ASIC2: variants seen among roughly 807,000 people sequenced by gnomAD.
ASIC2 encodes acid-sensing ion channel 2.
ASIC2 carries 25 observed loss-of-function variants against 57.3 expected under a neutral mutation model. That is an observed-to-expected ratio of 0.44 (90% CI 0.32 to 0.61). The LOEUF (loss-of-function observed/expected upper bound fraction) is 0.61, where lower values mean the gene tolerates loss of function less well. Ranked by LOEUF, ASIC2 falls within the 20% of genes least tolerant of loss-of-function variation. The pLI is 0.06. For missense variants in ASIC2, 641 were observed against 738.1 expected (o/e 0.87, Z 1.52); for synonymous variants, 319 against 307.5 (o/e 1.04, Z -0.39).
intron 1 of ASIC2, among the ~76,000 whole-genome samples, chr17:33,314,738 C>A (rs560850001): frequency 6.6e-6 from 1 of 152,272 alleles, no homozygotes; most frequent in South Asian, 2.1e-4. Flanking sequence ...CTCTGTGGTT[C>A]TTAAGAACAA....
intron 1 of ASIC2, among the ~76,000 whole-genome samples, chr17:33,950,694 T>A (rs1904531449): frequency 6.6e-6 from 1 of 152,232 alleles, no homozygotes; most frequent in South Asian, 2.1e-4. Context: ...GACAGCCACC[T>A]GAAAGGTCAG....
Position 33,291,996 on chromosome 17 carries a change from G to GC in ASIC2, c.119dup (p.Gly41ArgfsTer25). The GC allele has an allele frequency of 8.0e-7, 1 of 1,254,362 alleles. No individual in the cohort carries two copies. Among genetic ancestry groups the GC allele is most frequent in the Non-Finnish European group, 9.9e-7 (1 of 1,007,502 alleles). The allele number at this position is 1,254,362 out of a possible 1,614,324, so 77.7% of individuals were successfully genotyped here. On this transcript the variant is annotated frameshift_variant, in exon 1 of 10. Coordinates refer to ENST00000225823, the MANE Select transcript of ASIC2 (RefSeq NM_183377.2). LOFTEE classifies it high-confidence loss of function. Reference sequence around the variant, plus strand: ...GCAGCGCCCGCTCGCCGCCTCTGCCGCCCCCGGGCTGCCCGGCAGCCGCCA... The same window carrying GC: ...GCAGCGCCCGCTCGCCGCCTCTGCCGCCCCCCGGGCTGCCCGGCAGCCGCCA...
At chr17:33,858,092 G>A (rs1914009516) in intron 1 of ASIC2, among the ~76,000 whole-genome samples, 1 of 152,180 alleles carries the variant, frequency 6.6e-6, no homozygotes, top group Non-Finnish European at 1.5e-5. Flanking sequence ...CTCACAGGCA[G>A]GTGGAGACTC....
chr17:33,922,845 A>T (rs963415820), intron 1 of ASIC2, among the ~76,000 whole-genome samples: 2 of 152,130 alleles, frequency 1.3e-5, no homozygotes, highest in Non-Finnish European at 1.5e-5. Flanking sequence ...CAAGTGTAAG[A>T]ATTAGACAGG....
At chr17:33,349,575 A>G (rs1005327830) in intron 1 of ASIC2, among the ~76,000 whole-genome samples, 1 of 152,170 alleles carries the variant, frequency 6.6e-6, no homozygotes, top group African/African-American at 2.4e-5. Flanking sequence ...AATGCCCTCC[A>G]GCTCCACCCA....
At chr17:33,686,878 C>A (rs1908211059) in intron 1 of ASIC2, among the ~76,000 whole-genome samples, 1 of 152,090 alleles carries the variant, frequency 6.6e-6, no homozygotes, top group Non-Finnish European at 1.5e-5. Flanking sequence ...GGGGACAGGA[C>A]TGGGGTGATA....
At chr17:33,548,006 C>G (rs573281615) in intron 1 of ASIC2, among the ~76,000 whole-genome samples, 1 of 152,304 alleles carries the variant, frequency 6.6e-6, no homozygotes, top group East Asian at 1.9e-4. Flanking sequence ...CAGTGTCACT[C>G]CAGCAAAGTT....
chr17:33,490,672 C>T (rs997454141), intron 1 of ASIC2, among the ~76,000 whole-genome samples: 3 of 152,156 alleles, frequency 2.0e-5, no homozygotes, highest in African/African-American at 4.8e-5. Context: ...GATTGCGAGG[C>T]CTCCCCAGCC....
chr17:33,145,893 G>C, intron 1 of ASIC2, among the ~76,000 whole-genome samples: 1 of 152,228 alleles, frequency 6.6e-6, no homozygotes, highest in East Asian at 1.9e-4. Flanking sequence ...TGTGCCCTGA[G>C]CAGCAAGAAG....
At chr17:33,194,455 C>T (rs905488443) in intron 1 of ASIC2, among the ~76,000 whole-genome samples, 6 of 152,014 alleles carry the variant, frequency 3.9e-5, no homozygotes, top group African/African-American at 1.5e-4. Flanking sequence ...CTCACTAAGC[C>T]GATATGATGA....
chr17:33,294,943 T>C (rs1905665747), upstream of ASIC2, among the ~76,000 whole-genome samples: 2 of 152,180 alleles, frequency 1.3e-5, no homozygotes, highest in Admixed American at 6.5e-5. Context: ...CCCAGCCTGG[T>C]CTCAAGGGTC....
At chr17:34,038,496 G>A in intron 1 of ASIC2, 1 of 1,611,968 alleles carries the variant, frequency 6.2e-7, no homozygotes, top group Non-Finnish European at 8.5e-7. Flanking sequence ...TGCTCTGTTA[G>A]ATCAAATGCC....
At chr17:34,051,852 C>CAG (rs766803837) in intron 1 of ASIC2, 4 of 120,852 alleles carry the variant, frequency 3.3e-5, no homozygotes, top group African/African-American at 1.8e-4. Flanking sequence ...CACACATACA[C>CAG]ACACACAGAG....
At chr17:33,736,847 G>A (rs949108368) in intron 1 of ASIC2, among the ~76,000 whole-genome samples, 3 of 152,292 alleles carry the variant, frequency 2.0e-5, no homozygotes, top group Admixed American at 6.5e-5. Context: ...ACACGGAAAC[G>A]TGCTTTTATT....
At chr17:34,067,851 A>C (rs1010872444) in intron 1 of ASIC2, among the ~76,000 whole-genome samples, 5 of 152,240 alleles carry the variant, frequency 3.3e-5, no homozygotes, top group Admixed American at 6.5e-5. Flanking sequence ...AATCTGTAAT[A>C]TACAATATGG....
intron 1 of ASIC2, chr17:34,039,437 G>A (rs1457964998): frequency 6.2e-7 from 1 of 1,613,720 alleles, no homozygotes; most frequent in Non-Finnish European, 8.5e-7. Flanking sequence ...AGGGTTGGCA[G>A]AGCAGACTGC....
At chr17:33,701,196 T>G (rs1422425300) in intron 1 of ASIC2, among the ~76,000 whole-genome samples, 1 of 152,074 alleles carries the variant, frequency 6.6e-6, no homozygotes, top group African/African-American at 2.4e-5. Flanking sequence ...AGGATGCAGA[T>G]GGACAGCCTA....
chr17:33,586,836 A>G (rs963766204), intron 1 of ASIC2, among the ~76,000 whole-genome samples: 1 of 152,160 alleles, frequency 6.6e-6, no homozygotes, highest in Non-Finnish European at 1.5e-5. Flanking sequence ...ACGATCTGCA[A>G]TTATCTTCTT....
intron 1 of ASIC2, among the ~76,000 whole-genome samples, chr17:33,783,601 T>C (rs1164059472): frequency 6.6e-6 from 1 of 152,224 alleles, no homozygotes; most frequent in African/African-American, 2.4e-5. Flanking sequence ...ACTTAGGTGG[T>C]GTCTGGGCCA....
Sources: allele counts gnomAD v4.1 joint callset (sites outside exome capture counted in the v4.1 genomes callset), GRCh38; gene constraint gnomAD v4.1.1; transcripts MANE v1.5; gene names NCBI Gene and HGNC (gene_info 2026-07-23, HGNC 2026-07-21).